ADAMTS17: variants seen among roughly 807,000 people sequenced by gnomAD.
The protein encoded by ADAMTS17 is ADAM metallopeptidase with thrombospondin type 1 motif 17, also known as A disintegrin and metalloproteinase with thrombospondin motifs 17.
ADAMTS17 carries 113 observed loss-of-function variants against 141.5 expected under a neutral mutation model. The observed-to-expected ratio is 0.80, with a 90% CI of 0.69 to 0.93. ADAMTS17 has a LOEUF of 0.93. Among genes scored for constraint, ADAMTS17 ranks in the 40% least tolerant of loss-of-function variants. ADAMTS17 has a pLI of 0.00. For synonymous variants in ADAMTS17, 768 were observed against 630.6 expected, an observed-to-expected ratio of 1.22 and a Z score of -3.27; for missense variants, 1,659 against 1,517.9, an observed-to-expected ratio of 1.09 and a Z score of -1.54.
At chr15:100,176,998 T>C (rs1254189049) in intron 8 of ADAMTS17, among the ~76,000 whole-genome samples, 2 of 152,250 alleles carry the variant, frequency 1.3e-5, no homozygotes, top group Non-Finnish European at 2.9e-5. Context: ...GTACCACAGA[T>C]TAACTGCTCA....
intron 19 of ADAMTS17, among the ~76,000 whole-genome samples, chr15:99,996,306 G>C (rs145549804): frequency 1.3e-5 from 2 of 151,970 alleles, no homozygotes; most frequent in East Asian, 1.9e-4. Context: ...GTCTTACTTC[G>C]ATCAAGAGCC....
chr15:100,019,284 T>C (rs958768058), intron 18 of ADAMTS17, among the ~76,000 whole-genome samples: 1 of 152,040 alleles, frequency 6.6e-6, no homozygotes, highest in South Asian at 2.1e-4. Context: ...GATGCATACA[T>C]ACCAACAGGG....
At chr15:100,033,094 C>T (rs1212285153) in intron 18 of ADAMTS17, among the ~76,000 whole-genome samples, 1 of 152,146 alleles carries the variant, frequency 6.6e-6, no homozygotes, top group African/African-American at 2.4e-5. Flanking sequence ...CCAAACTAAG[C>T]TCTCAACGGG....
chr15:100,152,614 C>T lies in ADAMTS17; in HGVS notation c.1471G>A (p.Glu491Lys), dbSNP rs774382808. 4 of 1,613,842 alleles carry T rather than the reference C, an allele frequency of 2.5e-6. No individual in the cohort carries two copies. Among genetic ancestry groups the T allele is most frequent in the Non-Finnish European group, 1.7e-6 (2 of 1,180,034 alleles). Reference sequence around the variant, plus strand: ...CCAGCCCTCCCACGGCTGCTTACCTCCATGTTTCTGCAGAAGGTGGCATTC... The same window carrying T: ...CCAGCCCTCCCACGGCTGCTTACCTTCATGTTTCTGCAGAAGGTGGCATTC... ...GMNATFCRNM[E>K]HLMCAGLWCL... The change falls in exon 10 of 22, where the codon GAG becomes AAG. Residue 491 changes from glutamate (E) to lysine (K), a missense_variant and splice_region_variant. Glu to Lys is a moderately conservative substitution (Grantham distance 56). Transcript: ENST00000268070.
At chr15:100,284,353 A>C (rs945646636) in intron 3 of ADAMTS17, among the ~76,000 whole-genome samples, 1 of 152,116 alleles carries the variant, frequency 6.6e-6, no homozygotes, top group Non-Finnish European at 1.5e-5. Context: ...CCTTTCCCCC[A>C]TTCCCTAGCA....
At chr15:100,098,161 A>G (rs1042549363) in intron 14 of ADAMTS17, among the ~76,000 whole-genome samples, 5 of 152,108 alleles carry the variant, frequency 3.3e-5, no homozygotes, top group Admixed American at 6.5e-5. Flanking sequence ...GGCTGGGGAG[A>G]TGTAGGTAAC....
intron 15 of ADAMTS17, among the ~76,000 whole-genome samples, chr15:100,068,363 G>T (rs111241427): frequency 0.032 from 4,824 of 152,278 alleles, 271 homozygotes; most frequent in African/African-American, 0.11. Context: ...AGTAACCTCT[G>T]CAGACTTAAA....
At chr15:100,326,538 T>C (rs563870989) in intron 3 of ADAMTS17, among the ~76,000 whole-genome samples, 1 of 152,184 alleles carries the variant, frequency 6.6e-6, no homozygotes, top group Non-Finnish European at 1.5e-5. Context: ...TTGTTAACTG[T>C]GTGGGCTGTA....
intron 14 of ADAMTS17, among the ~76,000 whole-genome samples, chr15:100,098,376 C>T (rs1303777153): frequency 1.3e-5 from 2 of 151,916 alleles, no homozygotes; most frequent in Non-Finnish European, 2.9e-5. Flanking sequence ...TGGCCCGGTG[C>T]GGTGGCTCAC....
rs768473488 is a variant in ADAMTS17, at chr15:99,997,606, AAGAG to A, written c.2592-21_2592-18del. The A allele has an allele frequency of 1.2e-6, 2 of 1,612,320 alleles. No individual in the cohort carries two copies. The highest frequency in any genetic ancestry group is 1.7e-6 in the Non-Finnish European group (2 of 1,179,802). On this transcript the variant is annotated intron_variant, in intron 18 of 21. Transcript: ENST00000268070. This position sits in a 1 kb window ranked among gnomAD's most constrained non-coding sequence, Gnocchi z 4.7. Reference sequence around the variant, plus strand: ...GCCACCCACCTGCCAGACGGGAGGAAAGAGAGAGAGAACGACTGGGTGAGAGGCC... The same window carrying A: ...GCCACCCACCTGCCAGACGGGAGGAAAGAGAGAACGACTGGGTGAGAGGCC...
At position 100,318,835 on chromosome 15, in the gene ADAMTS17, G is replaced by T. The variant is rs187424129; in HGVS notation, c.616+12054C>A. On this transcript the variant is annotated intron_variant, in intron 3 of 21. Transcript: ENST00000268070. ...AGGGCCAATGTTAACCTACAACACG[G>T]AGATGGGGGAATCTGGCCAGGACCC... Among the ~76,000 whole-genome samples the T allele has an allele frequency of 5.9e-5, 9 of 152,354 alleles. No homozygotes were observed. In the East Asian group the frequency reaches 1.7e-3, roughly 29 times the overall value.
intron 18 of ADAMTS17, among the ~76,000 whole-genome samples, chr15:100,010,193 T>G (rs752425934): frequency 6.6e-6 from 1 of 152,222 alleles, no homozygotes; most frequent in Admixed American, 6.5e-5. Flanking sequence ...GCGAGTCCAT[T>G]AAACCTCTTT....
intron 12 of ADAMTS17, among the ~76,000 whole-genome samples, chr15:100,127,635 G>C (rs1393669900): frequency 6.6e-6 from 1 of 152,220 alleles, no homozygotes; most frequent in African/African-American, 2.4e-5. Context: ...AGGCTGGAGT[G>C]CAGTGGTGTG....
chr15:100,248,019 G>C (rs575050665), intron 7 of ADAMTS17, among the ~76,000 whole-genome samples: 1 of 152,128 alleles, frequency 6.6e-6, no homozygotes, highest in South Asian at 2.1e-4. Context: ...CAAGGAGGGG[G>C]TCCTTCTCCC....
Position 100,292,347 on chromosome 15 carries a change from ACACT to A in ADAMTS17, c.617-10950_617-10947del, listed in dbSNP as rs1427303582. Among the ~76,000 whole-genome samples the A allele has an allele frequency of 5.3e-5, 8 of 151,952 alleles. No individual in the cohort carries two copies. The East Asian group carries it at 1.6e-3, about 30-fold the overall frequency. The stretch of plus-strand genomic sequence containing the variant: ...CTCAGCCCGTGTGGAATTACGAGAG[ACACT>A]CACCCCGTGTGAAATTACGAGAGAT... On this transcript the variant is annotated intron_variant, in intron 3 of 21. Transcript: ENST00000268070.
chr15:100,196,608 G>C (rs1405922807), intron 8 of ADAMTS17, among the ~76,000 whole-genome samples: 1 of 152,246 alleles, frequency 6.6e-6, no homozygotes, highest in Non-Finnish European at 1.5e-5. Context: ...TAAGGGACCG[G>C]TGGGTGAGCC....
chr15:100,228,008 T>C (rs1375128448), intron 7 of ADAMTS17, among the ~76,000 whole-genome samples: 3 of 152,054 alleles, frequency 2.0e-5, no homozygotes, highest in Non-Finnish European at 2.9e-5. Context: ...ATCCCGACAC[T>C]CAGATAAAAT....
In ADAMTS17 at chr15:100,000,464, G is replaced by C. The variant is rs146198390; in HGVS notation, c.2592-2875C>G. Among the ~76,000 whole-genome samples, 21 of 152,306 alleles carry C rather than the reference G, an allele frequency of 1.4e-4. No individual in the cohort carries two copies. In the East Asian group the frequency reaches 3.9e-3, roughly 28 times the overall value. ...GATGTGGCCTGGAAGCAGCAAGAATGAATGTGATGGATAGGGACAATAAGC... is the reference window on the plus strand; with the variant it reads ...GATGTGGCCTGGAAGCAGCAAGAATCAATGTGATGGATAGGGACAATAAGC... On this transcript the variant is annotated intron_variant, in intron 18 of 21. Transcript: ENST00000268070.
chr15:100,159,751 C>G (rs1374754991), intron 8 of ADAMTS17, among the ~76,000 whole-genome samples: 1 of 152,178 alleles, frequency 6.6e-6, no homozygotes, highest in Non-Finnish European at 1.5e-5. Context: ...ACTCACAGAC[C>G]CTGGAGTCCT....
Sources: allele counts gnomAD v4.1 joint callset (sites outside exome capture counted in the v4.1 genomes callset), GRCh38; gene constraint gnomAD v4.1.1; non-coding constraint Gnocchi (gnomAD v3.1); transcripts MANE v1.5; gene names NCBI Gene and HGNC (gene_info 2026-07-23, HGNC 2026-07-21).